The following UBE2R2 variants were observed in gnomAD, a reference collection of about 807,000 sequenced individuals.
The protein encoded by UBE2R2 is ubiquitin conjugating enzyme E2 R2.
UBE2R2 carries 1 observed loss-of-function variant against 27.8 expected under a neutral mutation model. The observed-to-expected ratio is 0.04, with a 90% CI of 0.01 to 0.17. The LOEUF is 0.17. Among genes scored for constraint, UBE2R2 ranks in the 10% least tolerant of loss-of-function variants. The probability of loss-of-function intolerance (pLI) is 1.00; values close to 1 mark genes in which losing one functional copy is unlikely to be tolerated. For synonymous variants in UBE2R2, 106 were observed against 113.3 expected, an observed-to-expected ratio of 0.94 and a Z score of 0.41; for missense variants, 100 against 291.0, an observed-to-expected ratio of 0.34 and a Z score of 4.78.
intron 1 of UBE2R2, among the ~76,000 whole-genome samples, chr9:33,834,458 C>T (rs1242969023): frequency 6.6e-6 from 1 of 151,878 alleles, no homozygotes; most frequent in African/African-American, 2.4e-5. Flanking sequence ...GTGATCTGCC[C>T]ACCTTGGCCT....
chr9:33,905,061 C>A (rs527673093), intron 3 of UBE2R2, among the ~76,000 whole-genome samples: 1 of 152,232 alleles, frequency 6.6e-6, no homozygotes, highest in Admixed American at 6.5e-5. Flanking sequence ...ATAGAGTTCA[C>A]AGCTGCTTTC....
chr9:33,901,298 A>T (rs1204083021), intron 3 of UBE2R2, among the ~76,000 whole-genome samples: 1 of 152,176 alleles, frequency 6.6e-6, no homozygotes, highest in African/African-American at 2.4e-5. Flanking sequence ...CATTTTCATT[A>T]TGTCATATCT....
intron 1 of UBE2R2, among the ~76,000 whole-genome samples, chr9:33,829,065 T>C (rs1056464705): frequency 1.3e-5 from 2 of 152,020 alleles, no homozygotes; most frequent in African/African-American, 4.8e-5. Context: ...GAGACAGGGT[T>C]TCACTGTGTT....
rs150594997 is a variant in UBE2R2, at chr9:33,848,704, C to T, written c.177+30770C>T. On this transcript the variant is annotated intron_variant, in intron 1 of 4. Transcript: ENST00000263228. ...GCAACCTCTGCCTCCCAGGTTCTAG[C>T]AATTCTCCTGCCTTAGCCTCCCGAA... Among the ~76,000 whole-genome samples the T allele has an allele frequency of 5.9e-3, 894 of 151,774 alleles. 8 individuals carry two copies. The highest frequency in any genetic ancestry group is 0.02 in the African/African-American group (813 of 41,404).
chr9:33,830,025 G>A (rs1423289400), intron 1 of UBE2R2, among the ~76,000 whole-genome samples: 1 of 151,940 alleles, frequency 6.6e-6, no homozygotes, highest in African/African-American at 2.4e-5. Flanking sequence ...TCGAACTCCC[G>A]ACCTCTGGTG....
chr9:33,897,219 G>T (rs951263365), intron 2 of UBE2R2, among the ~76,000 whole-genome samples: 1 of 149,098 alleles, frequency 6.7e-6, no homozygotes, highest in Admixed American at 6.7e-5. Flanking sequence ...TGTATTTTTA[G>T]TAGAGACGGG....
intron 1 of UBE2R2, among the ~76,000 whole-genome samples, chr9:33,849,118 G>A (rs768121804): frequency 2.0e-5 from 3 of 152,156 alleles, no homozygotes; most frequent in South Asian, 4.1e-4. Context: ...TTAGCCGGGC[G>A]TGGTGGCACA....
rs542616162 is a variant in UBE2R2, at chr9:33,892,161, G to A, written c.264+5194G>A. Among the ~76,000 whole-genome samples the A allele has an allele frequency of 2.0e-5, 3 of 151,922 alleles. No homozygotes were observed. In the South Asian group the frequency reaches 6.2e-4, roughly 32 times the overall value. The stretch of plus-strand genomic sequence containing the variant: ...GCTTTGCGAATTTGTCATCAGTGAT[G>A]GTACTGCACAATCTATTTCCTTTCT... On this transcript the variant is annotated intron_variant, in intron 2 of 4. Coordinates refer to ENST00000263228, the MANE Select transcript of UBE2R2 (RefSeq NM_017811.4).
chr9:33,852,973 A>G (rs940362259), intron 1 of UBE2R2, among the ~76,000 whole-genome samples: 1 of 152,106 alleles, frequency 6.6e-6, no homozygotes, highest in East Asian at 1.9e-4. Flanking sequence ...GCACTGCTGC[A>G]CTCCAGCCTA....
At chr9:33,830,638 T>C (rs1820449472) in intron 1 of UBE2R2, among the ~76,000 whole-genome samples, 1 of 151,554 alleles carries the variant, frequency 6.6e-6, no homozygotes, top group African/African-American at 2.4e-5. Flanking sequence ...CGTGGTGTTG[T>C]GCGCCTCTCA....
At chr9:33,885,824 G>C (rs1192467341) in intron 1 of UBE2R2, among the ~76,000 whole-genome samples, 2 of 152,174 alleles carry the variant, frequency 1.3e-5, no homozygotes, top group African/African-American at 4.8e-5. Context: ...TTTTGTGGAA[G>C]AGAGAACTTT....
intron 1 of UBE2R2, among the ~76,000 whole-genome samples, chr9:33,855,184 T>G (rs563242166): frequency 6.6e-6 from 1 of 152,358 alleles, no homozygotes; most frequent in African/African-American, 2.4e-5. Flanking sequence ...CAGTACATAC[T>G]GCCCCTCATG....
At chr9:33,913,168 C>A (rs1305098290) in intron 4 of UBE2R2, among the ~76,000 whole-genome samples, 1 of 152,006 alleles carries the variant, frequency 6.6e-6, no homozygotes, top group Non-Finnish European at 1.5e-5. Flanking sequence ...ACCATGTTGG[C>A]CAAGCTAGTC....
chr9:33,851,111 G>T (rs1423010174), intron 1 of UBE2R2, among the ~76,000 whole-genome samples: 1 of 152,032 alleles, frequency 6.6e-6, no homozygotes, highest in Non-Finnish European at 1.5e-5. Flanking sequence ...GAATCCTTAG[G>T]CAAACATTGT....
chr9:33,837,863 GT>G (rs1820648188), intron 1 of UBE2R2, among the ~76,000 whole-genome samples: 1 of 152,010 alleles, frequency 6.6e-6, no homozygotes, highest in South Asian at 2.1e-4. Flanking sequence ...TGATGTCTTG[GT>G]TTTGATGTCT....
intron 1 of UBE2R2, among the ~76,000 whole-genome samples, chr9:33,856,663 T>A (rs745856747): frequency 1.3e-5 from 2 of 152,026 alleles, no homozygotes; most frequent in Non-Finnish European, 2.9e-5. Flanking sequence ...TTGTGTATGA[T>A]TACATTACCT....
At chr9:33,900,133 C>T (rs768812993) in intron 2 of UBE2R2, 41 bp from the exon 3 acceptor site, 4 of 1,529,642 alleles carry the variant, frequency 2.6e-6, no homozygotes, top group East Asian at 2.3e-5. Context: ...TTGTACATCA[C>T]TTTTTGAGTA....
At chr9:33,839,104 T>C (rs1009778639) in intron 1 of UBE2R2, among the ~76,000 whole-genome samples, 14 of 149,248 alleles carry the variant, frequency 9.4e-5, no homozygotes, top group African/African-American at 3.4e-4. Flanking sequence ...AAAAAGTTGC[T>C]GTGGTCTGAA....
At chr9:33,881,728 C>T (rs1821735906) in intron 1 of UBE2R2, among the ~76,000 whole-genome samples, 1 of 152,112 alleles carries the variant, frequency 6.6e-6, no homozygotes, top group Non-Finnish European at 1.5e-5. Context: ...GATGAAGTGC[C>T]TTACTTACTA....
Sources: allele counts gnomAD v4.1 joint callset (sites outside exome capture counted in the v4.1 genomes callset), GRCh38; gene constraint gnomAD v4.1.1; transcripts MANE v1.5; gene names NCBI Gene and HGNC (gene_info 2026-07-23, HGNC 2026-07-21).